PDE8B: variants seen among roughly 807,000 people sequenced by gnomAD.
PDE8B encodes high affinity cAMP-specific and IBMX-insensitive 3',5'-cyclic phosphodiesterase 8B.
In PDE8B, 26 loss-of-function variants were observed where a neutral mutation model predicts 101.3. The ratio of observed to expected loss-of-function variants is 0.26; its 90% confidence interval spans 0.19 to 0.36. The LOEUF is 0.36. Ranked by LOEUF, PDE8B falls within the 10% of genes least tolerant of loss-of-function variation. The pLI, the probability that PDE8B is intolerant of heterozygous loss-of-function variation, is 1.00. For synonymous variants in PDE8B, 424 were observed against 429.3 expected, an observed-to-expected ratio of 0.99 and a Z score of 0.15; for missense variants, 810 against 1,163.1, an observed-to-expected ratio of 0.70 and a Z score of 4.42.
chr5:77,140,909 T>C, the PDE8B span: 1 of 152,134 alleles, frequency 6.6e-6, no homozygotes, highest in Non-Finnish European at 1.5e-5. Context: ...TACATACACA[T>C]GTACGTATAT....
Position 77,426,841 on chromosome 5 carries a change from C to T in PDE8B, c.*287C>T, listed in dbSNP as rs886060762. 5.1e-6 allele frequency: 2 copies of T among 389,034 alleles called. No homozygotes were observed. The allele number at this position is 389,034 out of a possible 1,614,324, so 24.1% of individuals were successfully genotyped here. On this transcript the variant is annotated 3_prime_UTR_variant, in exon 22 of 22. Transcript: ENST00000264917. ...CCCTTGTCAATCCATGGAGCTGGTT[C>T]ACTGTAACTAGCAGGCCACAGGAAG...
chr5:77,216,913 C>T (rs1044340315), intron 1 of PDE8B, among the ~76,000 whole-genome samples: 16 of 152,104 alleles, frequency 1.1e-4, no homozygotes, highest in Admixed American at 9.2e-4. Flanking sequence ...AAAGGCTCTT[C>T]GTAACAGGCA....
At chr5:77,153,700 G>A in the PDE8B span, among the ~76,000 whole-genome samples, 1 of 151,586 alleles carries the variant, frequency 6.6e-6, no homozygotes, top group African/African-American at 2.4e-5. Flanking sequence ...TCAGCCTCCG[G>A]AGTAGCTGGG....
At chr5:77,251,607 A>G (rs6453295) in intron 1 of PDE8B, among the ~76,000 whole-genome samples, 115,155 of 152,078 alleles carry the variant, frequency 0.76, 44,300 homozygotes, top group East Asian at 0.97. Context: ...TTCCCATGAT[A>G]CTTCTTCCCC....
chr5:77,358,339 C>G, intron 10 of PDE8B: 1 of 516,872 alleles, frequency 1.9e-6, no homozygotes, highest in Non-Finnish European at 2.5e-6. Context: ...CTCAGCTTCT[C>G]TTCCCCCCAG....
At chr5:77,209,670 C>CA (rs1747847598), upstream of PDE8B, among the ~76,000 whole-genome samples, 1 of 152,116 alleles carries the variant, frequency 6.6e-6, no homozygotes, top group South Asian at 2.1e-4. Context: ...CATGCCTCAC[C>CA]AAGGAGAATG....
the PDE8B span, among the ~76,000 whole-genome samples, chr5:77,117,217 A>G: frequency 6.6e-6 from 1 of 152,222 alleles, no homozygotes; most frequent in Admixed American, 6.5e-5. Flanking sequence ...GTTTTTCAGG[A>G]CAAGCGCTCT....
the PDE8B span, among the ~76,000 whole-genome samples, chr5:77,129,002 A>G: frequency 6.6e-6 from 1 of 152,214 alleles, no homozygotes; most frequent in Non-Finnish European, 1.5e-5. Flanking sequence ...AATTTCATTC[A>G]TCAACCTAGG....
At chr5:77,382,043 G>A (rs1406320650) in intron 10 of PDE8B, among the ~76,000 whole-genome samples, 1 of 152,038 alleles carries the variant, frequency 6.6e-6, no homozygotes, top group Non-Finnish European at 1.5e-5. Flanking sequence ...TGAAACTACA[G>A]TTCAGACTTC....
intron 9 of PDE8B, among the ~76,000 whole-genome samples, 195 bp downstream of exon 9, chr5:77,351,348 C>T (rs373427621): frequency 1.3e-5 from 2 of 152,316 alleles, no homozygotes; most frequent in East Asian, 3.9e-4. Context: ...TTTTATGAAG[C>T]ATCACCCCAA....
At chr5:77,419,917 C>T in intron 19 of PDE8B, 30 bp downstream of exon 19, 1 of 1,612,262 alleles carries the variant, frequency 6.2e-7, no homozygotes, top group Non-Finnish European at 8.5e-7. Flanking sequence ...CCATAAGGCA[C>T]ATCCAAGTAC....
intron 10 of PDE8B, among the ~76,000 whole-genome samples, chr5:77,365,735 G>A (rs976650890): frequency 1.3e-5 from 2 of 152,232 alleles, no homozygotes; most frequent in East Asian, 3.9e-4. Flanking sequence ...TGGCCCAAGA[G>A]AAGTCTGACC....
At chr5:77,115,190 A>G in the PDE8B span, 3 of 152,314 alleles carry the variant, frequency 2.0e-5, no homozygotes, top group African/African-American at 7.2e-5. Context: ...TTATTTGATG[A>G]TTATCATTCT....
intron 5 of PDE8B, 88 bp downstream of exon 5, chr5:77,331,547 G>T (rs1439434388): frequency 2.0e-6 from 2 of 1,022,956 alleles, no homozygotes; most frequent in Non-Finnish European, 3.1e-6. Context: ...CTGCCACGGA[G>T]AACTGTTAAG....
intron 1 of PDE8B, among the ~76,000 whole-genome samples, chr5:77,282,169 C>T (rs1263311458): frequency 2.0e-5 from 3 of 152,140 alleles, no homozygotes; most frequent in African/African-American, 4.8e-5. Context: ...AATTTAAGCA[C>T]GTCTCTTCCC....
chr5:77,332,296 GT>G (rs1440482616), intron 5 of PDE8B, among the ~76,000 whole-genome samples: 2 of 152,124 alleles, frequency 1.3e-5, no homozygotes, highest in Non-Finnish European at 2.9e-5. Flanking sequence ...TTACTCCTAT[GT>G]AAAAAGTAAA....
chr5:77,244,311 C>A (rs1756422791), intron 1 of PDE8B, among the ~76,000 whole-genome samples: 1 of 152,252 alleles, frequency 6.6e-6, no homozygotes, highest in Non-Finnish European at 1.5e-5. Context: ...GCAACAGGGC[C>A]CTCAGCCACT....
chr5:77,143,215 T>G, the PDE8B span, among the ~76,000 whole-genome samples: 1 of 152,218 alleles, frequency 6.6e-6, no homozygotes, highest in African/African-American at 2.4e-5. Flanking sequence ...TCTTCTATTC[T>G]CAACATCGGA....
At chr5:77,147,211 A>C in the PDE8B span, 1 of 304,008 alleles carries the variant, frequency 3.3e-6, no homozygotes, top group Admixed American at 3.9e-5. Flanking sequence ...AAGCATTTAA[A>C]CCCCCTGTTT....
Sources: allele counts gnomAD v4.1 joint callset (sites outside exome capture counted in the v4.1 genomes callset), GRCh38; gene constraint gnomAD v4.1.1; transcripts MANE v1.5; gene names NCBI Gene and HGNC (gene_info 2026-07-23, HGNC 2026-07-21).